Variants in NXPH1 observed in about 807,000 individuals in gnomAD.
NXPH1 encodes the protein neurexophilin 1.
Under a neutral mutation model 23.7 loss-of-function variants are expected in NXPH1, and 5 were observed. The observed-to-expected ratio is 0.21, with a 90% confidence interval of 0.11 to 0.44. NXPH1 has a LOEUF of 0.44. Ranked by LOEUF, NXPH1 falls within the 20% of genes least tolerant of loss-of-function variation. The probability of loss-of-function intolerance (pLI) is 0.99; values close to 1 mark genes in which losing one functional copy is unlikely to be tolerated. For missense variants in NXPH1, 324 were observed against 321.6 expected (o/e 1.01, Z -0.06); for synonymous variants, 144 against 122.2 (o/e 1.18, Z -1.18).
chr7:8,485,455 G>A (rs1817143627), intron 2 of NXPH1, among the ~76,000 whole-genome samples: 1 of 151,972 alleles, frequency 6.6e-6, no homozygotes, highest in Admixed American at 6.6e-5. Context: ...TCCTCCAGAG[G>A]GTCTTGTTCG....
chr7:8,747,915 A>G (rs1451534462), intron 2 of NXPH1, among the ~76,000 whole-genome samples: 1 of 152,210 alleles, frequency 6.6e-6, no homozygotes, highest in Non-Finnish European at 1.5e-5. Context: ...TGAGTGGGAA[A>G]GCTGTAGTTG....
At chr7:8,447,876 G>A (rs147918813) in intron 2 of NXPH1, among the ~76,000 whole-genome samples, 9 of 152,318 alleles carry the variant, frequency 5.9e-5, no homozygotes, top group African/African-American at 1.9e-4. Context: ...GCCTCCAGGT[G>A]GCTGATATTT....
intron 2 of NXPH1, among the ~76,000 whole-genome samples, chr7:8,572,628 G>A (rs748927851): frequency 2.5e-4 from 38 of 151,978 alleles, no homozygotes; most frequent in Non-Finnish European, 4.4e-5. Flanking sequence ...AAGCAGATGT[G>A]CTTGTAGTGA....
chr7:8,706,081 A>G (rs550754004), intron 2 of NXPH1, among the ~76,000 whole-genome samples: 116 of 152,282 alleles, frequency 7.6e-4, no homozygotes, highest in Non-Finnish European at 1.3e-3. Flanking sequence ...ACTTCTTAAA[A>G]ACCCTTATAG....
At chr7:8,632,977 C>G (rs542190233) in intron 2 of NXPH1, among the ~76,000 whole-genome samples, 1 of 152,156 alleles carries the variant, frequency 6.6e-6, no homozygotes, top group African/African-American at 2.4e-5. Flanking sequence ...ATGGATGATT[C>G]TTTTTCAAAT....
intron 2 of NXPH1, among the ~76,000 whole-genome samples, chr7:8,510,477 C>A (rs2128613877): frequency 6.6e-6 from 1 of 152,006 alleles, no homozygotes; most frequent in African/African-American, 2.4e-5. Context: ...AAAAAAAAAT[C>A]TACATGTTCT....
At chr7:8,440,249 C>T (rs2128604018) in intron 2 of NXPH1, among the ~76,000 whole-genome samples, 1 of 152,308 alleles carries the variant, frequency 6.6e-6, no homozygotes, top group East Asian at 1.9e-4. Context: ...TTTCCATTGA[C>T]CAAGAAAGCA....
In NXPH1 at chr7:8,654,705, C is replaced by T. The variant is rs375517795; in HGVS notation, c.55-96303C>T. 8.9e-4 allele frequency among the ~76,000 whole-genome samples: 136 copies of T among 152,186 alleles called. 1 individual carries two copies. The highest frequency in any genetic ancestry group is 4.1e-3 in the South Asian group (20 of 4,826). ...CTCAAGCCACCTCTTTTCATAGACA[C>T]ATACTTTATGTTTGGGAAGAGGTGC... On this transcript the variant is annotated intron_variant, in intron 2 of 2. Transcript: ENST00000405863.
At chr7:8,570,671 C>G (rs1014049468) in intron 2 of NXPH1, among the ~76,000 whole-genome samples, 1 of 151,828 alleles carries the variant, frequency 6.6e-6, no homozygotes, top group Non-Finnish European at 1.5e-5. Flanking sequence ...AAAGATTACT[C>G]TAAGTACAAC....
Position 8,710,162 on chromosome 7 carries a change from C to A in NXPH1, c.55-40846C>A, listed in dbSNP as rs569763035. On this transcript the variant is annotated intron_variant, in intron 2 of 2. Coordinates refer to ENST00000405863, the MANE Select transcript of NXPH1 (RefSeq NM_152745.3). ...GGTTTTAAGAACAATTTTGTGACTTCGTGGGGGTGTTTGAGCTCTTGATTA... is the reference window on the plus strand; with the variant it reads ...GGTTTTAAGAACAATTTTGTGACTTAGTGGGGGTGTTTGAGCTCTTGATTA... Among the ~76,000 whole-genome samples the A allele has an allele frequency of 2.0e-5, 3 of 152,268 alleles. No individual in the cohort carries two copies. The South Asian group carries it at 6.2e-4, about 32-fold the overall frequency.
intron 2 of NXPH1, among the ~76,000 whole-genome samples, chr7:8,736,510 C>T (rs1780259544): frequency 6.6e-6 from 1 of 152,116 alleles, no homozygotes; most frequent in Non-Finnish European, 1.5e-5. Flanking sequence ...GTTATGATTT[C>T]TGTTATTTTG....
chr7:8,593,677 T>G (rs918448540), intron 2 of NXPH1, among the ~76,000 whole-genome samples: 1 of 152,098 alleles, frequency 6.6e-6, no homozygotes, highest in African/African-American at 2.4e-5. Flanking sequence ...TTTGTCTTGA[T>G]GTCTTGCTGT....
chr7:8,543,958 C>G (rs1407989228), intron 2 of NXPH1, among the ~76,000 whole-genome samples: 1 of 151,344 alleles, frequency 6.6e-6, no homozygotes, highest in East Asian at 2.0e-4. Context: ...CTTATTTTTT[C>G]TGGAGGCAAT....
chr7:8,727,331 C>G (rs1780073861), intron 2 of NXPH1, among the ~76,000 whole-genome samples: 1 of 137,642 alleles, frequency 7.3e-6, no homozygotes. Flanking sequence ...TACAGAAGCT[C>G]TTTAGTTTAA....
At chr7:8,550,201 C>T (rs1306127037) in intron 2 of NXPH1, among the ~76,000 whole-genome samples, 1 of 151,532 alleles carries the variant, frequency 6.6e-6, no homozygotes, top group African/African-American at 2.4e-5. Context: ...ATGTGTCTGC[C>T]TAGTGACAGC....
At chr7:8,492,034 A>G (rs1404293699) in intron 2 of NXPH1, among the ~76,000 whole-genome samples, 5 of 152,016 alleles carry the variant, frequency 3.3e-5, no homozygotes, top group Non-Finnish European at 5.9e-5. Context: ...CTCCAGAGGT[A>G]TCGATCTTTT....
intron 2 of NXPH1, among the ~76,000 whole-genome samples, chr7:8,536,602 G>T (rs1818029970): frequency 8.6e-6 from 1 of 116,840 alleles, no homozygotes. Flanking sequence ...GTGACCATTG[G>T]TAGACTTAAA....
At chr7:8,516,353 C>T (rs1409300370) in intron 2 of NXPH1, among the ~76,000 whole-genome samples, 1 of 152,074 alleles carries the variant, frequency 6.6e-6, no homozygotes, top group Admixed American at 6.6e-5. Context: ...GCAATAGAAT[C>T]ATCAATCAAT....
intron 2 of NXPH1, among the ~76,000 whole-genome samples, chr7:8,532,323 T>A (rs1418618652): frequency 6.6e-6 from 1 of 152,094 alleles, no homozygotes; most frequent in Admixed American, 6.6e-5. Flanking sequence ...CAGTGTAAGA[T>A]AAAAATCAAT....
Sources: gnomAD v4.1 joint callset for allele counts (sites outside exome capture counted in the v4.1 genomes callset) on GRCh38, gnomAD v4.1.1 for gene constraint, MANE v1.5 for transcripts, NCBI Gene and HGNC (gene_info 2026-07-23, HGNC 2026-07-21) for gene names.